The following SH3BP5 variants were observed in gnomAD, a reference collection of about 807,000 sequenced individuals.
The protein encoded by SH3BP5 is SH3 domain-binding protein 5.
SH3BP5 carries 22 observed loss-of-function variants against 43.3 expected under a neutral mutation model. That is an observed-to-expected ratio of 0.51 (90% confidence interval 0.36 to 0.73). The LOEUF is 0.73. Among genes scored for constraint, SH3BP5 ranks in the 30% least tolerant of loss-of-function variants. SH3BP5 has a pLI of 0.00. For missense variants in SH3BP5, 529 were observed against 586.9 expected (o/e 0.90, Z 1.02); for synonymous variants, 255 against 225.8 (o/e 1.13, Z -1.16).
intron 3 of SH3BP5, among the ~76,000 whole-genome samples, chr3:15,291,908 G>A (rs1697422697): frequency 6.6e-6 from 1 of 152,162 alleles, no homozygotes. Context: ...GAAGGGCTGG[G>A]GAAGAAGTAG....
At chr3:15,305,054 T>C (rs1455472983) in intron 2 of SH3BP5, among the ~76,000 whole-genome samples, 2 of 151,598 alleles carry the variant, frequency 1.3e-5, no homozygotes, top group African/African-American at 4.8e-5. Flanking sequence ...GAGGCAGAGG[T>C]TGCAGTGAGC....
intron 2 of SH3BP5, among the ~76,000 whole-genome samples, chr3:15,327,546 G>A (rs1008091319): frequency 1.3e-5 from 2 of 152,222 alleles, no homozygotes; most frequent in Non-Finnish European, 2.9e-5. Context: ...GCAGGCATCT[G>A]CTCAGGTGTC....
intron 3 of SH3BP5, among the ~76,000 whole-genome samples, chr3:15,297,856 C>A (rs1454821265): frequency 1.3e-5 from 2 of 152,022 alleles, no homozygotes; most frequent in African/African-American, 4.8e-5. Flanking sequence ...CAGCTCTAAG[C>A]CTGAGATCAG....
At chr3:15,263,628 A>G (rs960561785) in intron 4 of SH3BP5, among the ~76,000 whole-genome samples, 1 of 152,212 alleles carries the variant, frequency 6.6e-6, no homozygotes, top group Non-Finnish European at 1.5e-5. Context: ...AATGAGTTAC[A>G]AAACCAATAC....
At chr3:15,328,827 G>A (rs1698530049) in intron 2 of SH3BP5, among the ~76,000 whole-genome samples, 1 of 152,128 alleles carries the variant, frequency 6.6e-6, no homozygotes. Flanking sequence ...TCCTGATCTG[G>A]AAAGTAAATA....
intron 2 of SH3BP5, among the ~76,000 whole-genome samples, chr3:15,323,005 G>A (rs1196709022): frequency 6.6e-6 from 1 of 152,112 alleles, no homozygotes; most frequent in Non-Finnish European, 1.5e-5. Flanking sequence ...CGGGTGTGGT[G>A]GCACATGCCT....
At chr3:15,337,898 G>A in intron 1 of SH3BP5, among the ~76,000 whole-genome samples, 1 of 122,766 alleles carries the variant, frequency 8.1e-6, no homozygotes, top group African/African-American at 3.2e-5. Context: ...CTGGGTGACA[G>A]AGTGAGACCC....
At chr3:15,259,544 T>C (rs1169319236) in intron 6 of SH3BP5, 2 of 638,120 alleles carry the variant, frequency 3.1e-6, no homozygotes, top group African/African-American at 3.7e-5. Flanking sequence ...ACCACTGGCC[T>C]AGTACAACAG....
At chr3:15,302,385 G>A (rs1404794444) in intron 3 of SH3BP5, among the ~76,000 whole-genome samples, 1 of 152,154 alleles carries the variant, frequency 6.6e-6, no homozygotes, top group East Asian at 1.9e-4. Context: ...GCAGACCAAC[G>A]AGCAATCAGA....
intron 4 of SH3BP5, among the ~76,000 whole-genome samples, chr3:15,263,788 C>G (rs574760979): frequency 6.6e-6 from 1 of 152,354 alleles, no homozygotes; most frequent in African/African-American, 2.4e-5. Flanking sequence ...AACCGCAGTT[C>G]AGGCCACATA....
At chr3:15,267,342 T>C (rs1166760335) in intron 4 of SH3BP5, among the ~76,000 whole-genome samples, 1 of 152,256 alleles carries the variant, frequency 6.6e-6, no homozygotes, top group African/African-American at 2.4e-5. Flanking sequence ...GCTGAAATTC[T>C]GAGTGGCACA....
chr3:15,272,298 G>A (rs548639299), intron 3 of SH3BP5, among the ~76,000 whole-genome samples: 2 of 152,150 alleles, frequency 1.3e-5, no homozygotes, highest in South Asian at 4.1e-4. Flanking sequence ...ATGGAGACCC[G>A]AACCAAGCAT....
chr3:15,273,979 A>C (rs564704041), intron 3 of SH3BP5, among the ~76,000 whole-genome samples: 19 of 152,326 alleles, frequency 1.2e-4, no homozygotes, highest in South Asian at 8.3e-4. Flanking sequence ...ATGGTGGCTC[A>C]CGCCTGGAAT....
Position 15,294,330 on chromosome 3 carries a change from T to TGTGTGTGTGTGCGC in SH3BP5, c.330+9772_330+9773insGCGCACACACACAC, listed in dbSNP as rs565464561. ...GTGTGTGTGTGTGTGTGTGTGTGTGTGCGCGCGCATGTTTACGTAACTCCC... is the reference window on the plus strand; with the variant it reads ...GTGTGTGTGTGTGTGTGTGTGTGTGTGTGTGTGTGTGCGCGCGCGCGCATGTTTACGTAACTCCC... On this transcript the variant is annotated intron_variant, in intron 3 of 8. Coordinates refer to ENST00000383791, the MANE Select transcript of SH3BP5 (RefSeq NM_004844.5). Among the ~76,000 whole-genome samples, 108 of 121,564 alleles carry TGTGTGTGTGTGCGC rather than the reference T, an allele frequency of 8.9e-4. 1 individual carries two copies. The highest frequency in any genetic ancestry group is 1.4e-3 in the African/African-American group (35 of 25,194). The allele number at this position is 121,564 out of a possible 152,430, so 79.8% of individuals were successfully genotyped here. A position where few individuals can be genotyped will look rare whatever the true frequency, so the allele number is the denominator to read the frequency against.
rs1696746575 is a variant in SH3BP5, at chr3:15,269,737, C to T, written c.471G>A (p.Glu157=). 6 of 1,607,128 alleles carry T rather than the reference C, an allele frequency of 3.7e-6. No homozygotes were observed. The highest frequency in any genetic ancestry group is 5.1e-6 in the Non-Finnish European group (6 of 1,176,006). ...CCCTCTGAGTGGCGTGATTCAGCAT[C>T]TCCTGCCAGGCGGAGTCGAACTGCC... ...DKRQFDSAWQ[E]MLNHATQRVM... The change falls in exon 4 of 9, where the codon GAG becomes GAA. Residue 157 remains glutamate, a synonymous_variant. Transcript: ENST00000383791.
chr3:15,265,512 T>TCACTCACACACA (rs1553613878), intron 4 of SH3BP5, among the ~76,000 whole-genome samples: 4 of 107,934 alleles, frequency 3.7e-5, no homozygotes, highest in African/African-American at 1.7e-4. Context: ...CGAGACTCCG[T>TCACTCACACACA]CACACACACA....
At chr3:15,277,435 T>C (rs1453615457) in intron 3 of SH3BP5, among the ~76,000 whole-genome samples, 10 of 152,086 alleles carry the variant, frequency 6.6e-5, no homozygotes, top group Admixed American at 6.6e-4. Context: ...GTATAAGATT[T>C]GCAGAGACCG....
At chr3:15,337,259 A>G (rs1175257009), upstream of SH3BP5, among the ~76,000 whole-genome samples, 1 of 151,422 alleles carries the variant, frequency 6.6e-6, no homozygotes, top group Non-Finnish European at 1.5e-5. Context: ...TAATATTTAT[A>G]TTTTTAGTAG....
chr3:15,303,537 C>T (rs1697810204), intron 3 of SH3BP5, among the ~76,000 whole-genome samples: 1 of 152,158 alleles, frequency 6.6e-6, no homozygotes, highest in African/African-American at 2.4e-5. Context: ...ATCGCCTGAT[C>T]ACAGTCCCCT....
Sources: allele counts gnomAD v4.1 joint callset (sites outside exome capture counted in the v4.1 genomes callset), GRCh38; gene constraint gnomAD v4.1.1; transcripts MANE v1.5; gene names NCBI Gene and HGNC (gene_info 2026-07-23, HGNC 2026-07-21).